EHBP1: variants seen among roughly 807,000 people sequenced by gnomAD.
The protein encoded by EHBP1 is EH domain-binding protein 1.
Under a neutral mutation model 144.0 loss-of-function variants are expected in EHBP1, and 55 were observed. The ratio of observed to expected loss-of-function variants is 0.38; its 90% CI spans 0.31 to 0.48. EHBP1 has a LOEUF of 0.48. Among genes scored for constraint, EHBP1 ranks in the 20% least tolerant of loss-of-function variants. The probability of loss-of-function intolerance (pLI) is 0.98; values close to 1 mark genes in which losing one functional copy is unlikely to be tolerated. For synonymous variants in EHBP1, 469 were observed against 472.7 expected, an observed-to-expected ratio of 0.99 and a Z score of 0.10; for missense variants, 1,200 against 1,364.2, an observed-to-expected ratio of 0.88 and a Z score of 1.90.
At chr2:62,729,514 A>AATATAATAT (rs70962791) in intron 2 of EHBP1, among the ~76,000 whole-genome samples, 53,082 of 113,468 alleles carry the variant, frequency 0.47, 12,909 homozygotes, top group Middle Eastern at 0.72. Context: ...AAATATAATA[A>AATATAATAT]AATAAATAAA....
At chr2:62,745,885 A>G (rs762677770) in intron 2 of EHBP1, among the ~76,000 whole-genome samples, 26 of 152,124 alleles carry the variant, frequency 1.7e-4, no homozygotes, top group Non-Finnish European at 2.6e-4. Flanking sequence ...AACCTGTAAA[A>G]TTCAACCTGC....
At chr2:62,778,052 G>A (rs1289752861) in intron 5 of EHBP1, among the ~76,000 whole-genome samples, 1 of 152,042 alleles carries the variant, frequency 6.6e-6, no homozygotes, top group Non-Finnish European at 1.5e-5. Flanking sequence ...AAGATCAGTG[G>A]GGTATCAAAA....
At chr2:62,893,967 CA>C (rs1325061338) in intron 10 of EHBP1, among the ~76,000 whole-genome samples, 2 of 151,328 alleles carry the variant, frequency 1.3e-5, no homozygotes, top group African/African-American at 2.4e-5. Flanking sequence ...ATCACTTGAA[CA>C]TGGGAGGCAG....
intron 5 of EHBP1, among the ~76,000 whole-genome samples, chr2:62,784,232 C>T (rs1399070045): frequency 6.6e-6 from 1 of 152,140 alleles, no homozygotes; most frequent in African/African-American, 2.4e-5. Context: ...ATGTTTCCTA[C>T]CTCTTTTGAT....
At chr2:62,825,567 A>G (rs2046287798) in intron 5 of EHBP1, among the ~76,000 whole-genome samples, 1 of 151,990 alleles carries the variant, frequency 6.6e-6, no homozygotes, top group Non-Finnish European at 1.5e-5. Context: ...GGGAAGAAAT[A>G]AGACTCAAAT....
intron 5 of EHBP1, among the ~76,000 whole-genome samples, chr2:62,773,428 A>G (rs1362563574): frequency 2.0e-5 from 3 of 152,136 alleles, no homozygotes; most frequent in East Asian, 3.8e-4. Flanking sequence ...TATTTCATTC[A>G]TCTCTGTATC....
At chr2:62,921,457 A>G (rs2055072241) in intron 10 of EHBP1, among the ~76,000 whole-genome samples, 1 of 152,102 alleles carries the variant, frequency 6.6e-6, no homozygotes, top group Admixed American at 6.6e-5. Flanking sequence ...AAAAGAAAAA[A>G]AAAAAAGTAA....
At chr2:62,756,110 C>CAAA (rs774426114) in intron 3 of EHBP1, among the ~76,000 whole-genome samples, 3 of 100,160 alleles carry the variant, frequency 3.0e-5, no homozygotes, top group African/African-American at 3.7e-5. Context: ...CCCCTCTCTA[C>CAAA]AAAAAAAAAA....
intron 2 of EHBP1, among the ~76,000 whole-genome samples, chr2:62,724,738 T>G (rs1458945719): frequency 6.6e-6 from 1 of 152,008 alleles, no homozygotes; most frequent in Non-Finnish European, 1.5e-5. Flanking sequence ...TGTTGGGAAC[T>G]GGGCTGCACA....
chr2:62,690,093 A>ACTGGG (rs2033852458), intron 1 of EHBP1, among the ~76,000 whole-genome samples: 1 of 152,186 alleles, frequency 6.6e-6, no homozygotes, highest in African/African-American at 2.4e-5. Context: ...GAGTAGAAGG[A>ACTGGG]CTGGGCCATC....
chr2:62,785,300 CA>C (rs1479655840), intron 5 of EHBP1, among the ~76,000 whole-genome samples: 3 of 152,058 alleles, frequency 2.0e-5, no homozygotes, highest in Non-Finnish European at 4.4e-5. Flanking sequence ...TTGAAATGTG[CA>C]AAACTGAAGG....
At chr2:62,718,775 A>C (rs1358164700) in intron 2 of EHBP1, among the ~76,000 whole-genome samples, 1 of 152,160 alleles carries the variant, frequency 6.6e-6, no homozygotes, top group Non-Finnish European at 1.5e-5. Flanking sequence ...TTTTGAGTTG[A>C]ATTTTCTTAC....
chr2:62,957,677 G>A (rs1164499181), intron 14 of EHBP1, among the ~76,000 whole-genome samples: 4 of 103,102 alleles, frequency 3.9e-5, no homozygotes, highest in South Asian at 3.3e-4. Context: ...ATGGAGTCTC[G>A]CCATGTCACC....
chr2:62,816,641 A>T (rs2045469555), intron 5 of EHBP1, among the ~76,000 whole-genome samples: 1 of 152,208 alleles, frequency 6.6e-6, no homozygotes. Context: ...GCCTGTAAAG[A>T]AGACTGTGGC....
At chr2:62,775,492 T>G in intron 5 of EHBP1, among the ~76,000 whole-genome samples, 1 of 152,236 alleles carries the variant, frequency 6.6e-6, no homozygotes, top group East Asian at 1.9e-4. Context: ...GGAATTGTAA[T>G]ACCTTTCTTT....
intron 10 of EHBP1, among the ~76,000 whole-genome samples, chr2:62,890,085 C>T (rs546182036): frequency 6.6e-5 from 10 of 151,764 alleles, no homozygotes; most frequent in South Asian, 6.3e-4. Context: ...CTCAGCCTCC[C>T]GAGTAGCTGG....
intron 3 of EHBP1, among the ~76,000 whole-genome samples, chr2:62,748,327 A>G (rs780729607): frequency 6.6e-6 from 1 of 152,092 alleles, no homozygotes; most frequent in Non-Finnish European, 1.5e-5. Flanking sequence ...ACCGAATTTT[A>G]TAATATTCAA....
intron 2 of EHBP1, among the ~76,000 whole-genome samples, chr2:62,736,741 A>T (rs914896475): frequency 6.6e-6 from 1 of 152,150 alleles, no homozygotes; most frequent in African/African-American, 2.4e-5. Flanking sequence ...CTGTTCTTGC[A>T]TGCCATATAC....
intron 2 of EHBP1, among the ~76,000 whole-genome samples, chr2:62,745,759 A>C (rs2039094394): frequency 6.6e-6 from 1 of 152,020 alleles, no homozygotes; most frequent in African/African-American, 2.4e-5. Flanking sequence ...AGCAGTTGGT[A>C]GTGTTGGAGG....
Sources: gnomAD v4.1 joint callset for allele counts (sites outside exome capture counted in the v4.1 genomes callset) on GRCh38, gnomAD v4.1.1 for gene constraint, MANE v1.5 for transcripts, NCBI Gene and HGNC (gene_info 2026-07-23, HGNC 2026-07-21) for gene names.